USP45: variants seen among roughly 807,000 people sequenced by gnomAD.
The protein encoded by USP45 is ubiquitin carboxyl-terminal hydrolase 45.
USP45 carries 89 observed loss-of-function variants against 95.8 expected under a neutral mutation model. That is an observed-to-expected ratio of 0.93 (90% CI 0.78 to 1.11). USP45 has a LOEUF of 1.11. Ranked by LOEUF, USP45 falls within the 50% of genes least tolerant of loss-of-function variation. The pLI is 0.00. For missense variants in USP45, 898 were observed against 942.5 expected, an observed-to-expected ratio of 0.95 and a Z score of 0.62; for synonymous variants, 281 against 316.2, an observed-to-expected ratio of 0.89 and a Z score of 1.18.
chr6:99,499,373 G>A (rs1262134153), intron 5 of USP45, among the ~76,000 whole-genome samples: 2 of 151,850 alleles, frequency 1.3e-5, no homozygotes, highest in Non-Finnish European at 2.9e-5. Context: ...AATCATATCC[G>A]GCATTCTTAC....
intron 14 of USP45, 45 bp from the exon 15 acceptor site, chr6:99,443,707 C>A: frequency 2.6e-6 from 3 of 1,171,622 alleles, no homozygotes; most frequent in Non-Finnish European, 3.6e-6. Context: ...CCATTTTATA[C>A]ATTATCTACC....
At chr6:99,501,717 T>C in intron 5 of USP45, 1 of 194,708 alleles carries the variant, frequency 5.1e-6, no homozygotes, top group Admixed American at 6.0e-5. Context: ...AAGAAACTAT[T>C]ATCCTATACA....
intron 10 of USP45, 139 bp downstream of exon 10, chr6:99,468,396 CAG>C (rs1426951136): frequency 1.6e-6 from 1 of 615,468 alleles, no homozygotes; most frequent in East Asian, 2.8e-5. Context: ...AAGTATTTTT[CAG>C]ACACTGCAGC....
rs144403466 is a variant in USP45, at chr6:99,477,459, C to T, written c.846-1229G>A. Among the ~76,000 whole-genome samples the T allele has an allele frequency of 5.9e-5, 9 of 152,198 alleles. No individual in the cohort carries two copies. The South Asian group carries it at 1.7e-3, about 28-fold the overall frequency. ...GCTGGGACTACAGTTGCTGGCCACA[C>T]CTGCCATCGTGCCCGGCTAATTTTT... is the stretch of plus-strand genomic sequence containing the variant. On this transcript the variant is annotated intron_variant, in intron 8 of 17. Coordinates refer to ENST00000500704, the MANE Select transcript of USP45 (RefSeq NM_001346022.3).
chr6:99,480,844 C>T (rs1397088303), intron 8 of USP45, among the ~76,000 whole-genome samples: 1 of 152,132 alleles, frequency 6.6e-6, no homozygotes, highest in Non-Finnish European at 1.5e-5. Context: ...AACCCAAACA[C>T]ATGTGGCTTA....
chr6:99,487,872 AC>A (rs1794336552), intron 7 of USP45, among the ~76,000 whole-genome samples: 1 of 152,182 alleles, frequency 6.6e-6, no homozygotes, highest in African/African-American at 2.4e-5. Flanking sequence ...CTAAATTTAA[AC>A]AAATGTCACC....
In USP45 at chr6:99,466,434, T is replaced by A. The variant is rs1787994945; in HGVS notation, c.1107+238A>T. On this transcript the variant is annotated intron_variant, in intron 11 of 17. Transcript: ENST00000500704. ...TCAGTATATTAAGATAGGCTAAAAC[T>A]GCCTCATAGGTGTGTCATGAGGAAA... Among the ~76,000 whole-genome samples the A allele has an allele frequency of 1.3e-5, 2 of 152,194 alleles. 1 individual carries two copies. The highest frequency in any genetic ancestry group is 4.1e-4 in the South Asian group (2 of 4,830).
intron 7 of USP45, among the ~76,000 whole-genome samples, chr6:99,484,025 T>A (rs1480134659): frequency 2.7e-5 from 4 of 145,640 alleles, no homozygotes; most frequent in African/African-American, 7.6e-5. Flanking sequence ...TTTTTTTTTT[T>A]AAAGAGACAG....
chr6:99,463,645 C>T (rs1222918863), intron 13 of USP45, among the ~76,000 whole-genome samples: 1 of 151,630 alleles, frequency 6.6e-6, no homozygotes, highest in African/African-American at 2.4e-5. Flanking sequence ...AACCTGGTCT[C>T]TACTAAAAAT....
chr6:99,516,442 G>A (rs76708753), upstream of USP45, among the ~76,000 whole-genome samples: 27 of 152,282 alleles, frequency 1.8e-4, no homozygotes, highest in East Asian at 4.2e-3. Flanking sequence ...CAGAAGATAC[G>A]AGAGTTAAAA....
At chr6:99,474,751 A>G (rs1012176562) in intron 9 of USP45, among the ~76,000 whole-genome samples, 2 of 152,204 alleles carry the variant, frequency 1.3e-5, no homozygotes, top group Admixed American at 6.5e-5. Flanking sequence ...AACGATCAGC[A>G]ATGTCTTCTA....
chr6:99,452,800 G>A (rs1029515365), intron 13 of USP45, among the ~76,000 whole-genome samples: 2 of 152,156 alleles, frequency 1.3e-5, no homozygotes, highest in African/African-American at 4.8e-5. Context: ...ATGATAGACT[G>A]GATTAAGAAA....
intron 7 of USP45, among the ~76,000 whole-genome samples, chr6:99,483,482 A>C (rs1792937981): frequency 6.6e-6 from 1 of 152,118 alleles, no homozygotes; most frequent in Non-Finnish European, 1.5e-5. Flanking sequence ...CACCAATAAC[A>C]CTTTCTCCTA....
In USP45 at chr6:99,464,764, T is replaced by A. The variant is rs926271508; in HGVS notation, c.1165-17A>T. The A allele has an allele frequency of 6.3e-7, 1 of 1,581,622 alleles. No homozygotes were observed. The highest frequency in any genetic ancestry group is 1.9e-5 in the Admixed American group (1 of 54,000). ...TTTTGAAACCTATGTAAATGCCACA[T>A]ACAGAAACCAAAACCTCTTTAGTAA... On this transcript the variant is annotated splice_polypyrimidine_tract_variant and intron_variant, in intron 12 of 17. Coordinates refer to ENST00000500704, the MANE Select transcript of USP45 (RefSeq NM_001346022.3).
intron 13 of USP45, among the ~76,000 whole-genome samples, chr6:99,463,587 G>C (rs35434253): frequency 0.048 from 7,310 of 152,092 alleles, 237 homozygotes; most frequent in East Asian, 0.14. Context: ...GCTGAGGCGG[G>C]TGGATCATGA....
chr6:99,484,042 C>T (rs1229710708), intron 7 of USP45, among the ~76,000 whole-genome samples: 2 of 115,400 alleles, frequency 1.7e-5, no homozygotes, highest in Non-Finnish European at 3.3e-5. Flanking sequence ...ACAGGGTTGC[C>T]CAGGCTGGTC....
chr6:99,498,213 G>C (rs1406595635), intron 5 of USP45, among the ~76,000 whole-genome samples: 2 of 152,160 alleles, frequency 1.3e-5, no homozygotes, highest in Non-Finnish European at 2.9e-5. Context: ...CAGAAACTCA[G>C]AGATATTAAA....
intron 9 of USP45, among the ~76,000 whole-genome samples, chr6:99,472,221 A>ATTT (rs5878580): frequency 0.15 from 21,681 of 143,866 alleles, 2,474 homozygotes; most frequent in Non-Finnish European, 0.22. Context: ...TCACTTACTA[A>ATTT]TTTTTTTTTT....
intron 5 of USP45, 44 bp from the exon 6 acceptor site, chr6:99,488,864 A>C: frequency 1.4e-6 from 2 of 1,425,604 alleles, no homozygotes; most frequent in Non-Finnish European, 1.9e-6. Context: ...TGTAAAGATA[A>C]ATATGTCACT....
Sources: gnomAD v4.1 joint callset for allele counts (sites outside exome capture counted in the v4.1 genomes callset) on GRCh38, gnomAD v4.1.1 for gene constraint, MANE v1.5 for transcripts, NCBI Gene and HGNC (gene_info 2026-07-23, HGNC 2026-07-21) for gene names.